The following NEBL variants were observed in gnomAD, a reference collection of about 807,000 sequenced individuals.
NEBL encodes nebulette, also known as LIM and SH3 protein 2.
In NEBL, 122 loss-of-function variants were observed where a neutral mutation model predicts 140.2. The observed-to-expected ratio is 0.87, with a 90% CI of 0.75 to 1.01. The LOEUF is 1.01. NEBL is among the 50% of genes least tolerant of loss of function. The pLI is 0.00. For missense variants in NEBL, 1,365 were observed against 1,231.3 expected (o/e 1.11, Z -1.62); for synonymous variants, 436 against 398.9 (o/e 1.09, Z -1.11).
chr10:21,070,062 C>T (rs754026128), intron 2 of NEBL: 28 of 453,998 alleles, frequency 6.2e-5, no homozygotes, highest in South Asian at 1.4e-4. Context: ...CCTCACACTT[C>T]GGGACAGGAA....
At chr10:20,896,885 C>T (rs1007579138) in intron 2 of NEBL, 73 bp downstream of exon 2, 2 of 1,233,488 alleles carry the variant, frequency 1.6e-6, no homozygotes, top group Non-Finnish European at 2.4e-6. Context: ...TCCCCCACAG[C>T]TCTATGACTC....
At chr10:21,227,148 T>C (rs546234257) in intron 3 of NEBL, among the ~76,000 whole-genome samples, 1 of 152,256 alleles carries the variant, frequency 6.6e-6, no homozygotes, top group South Asian at 2.1e-4. Context: ...TAATTGGAAA[T>C]TTTCTGATCT....
At chr10:20,808,831 T>A (rs1939191048) in intron 25 of NEBL, among the ~76,000 whole-genome samples, 172 bp from the exon 26 acceptor site, 1 of 152,212 alleles carries the variant, frequency 6.6e-6, no homozygotes, top group Non-Finnish European at 1.5e-5. Flanking sequence ...TTGCATCAAC[T>A]ACATGAATAA....
At position 20,868,784 on chromosome 10, in the gene NEBL, A is replaced by T; in HGVS notation, c.583-19T>A. 1 of 1,528,320 alleles carries T rather than the reference A, an allele frequency of 6.5e-7. No homozygotes were observed. The highest frequency in any genetic ancestry group is 9.1e-7 in the Non-Finnish European group (1 of 1,102,430). 94.7% of individuals were successfully genotyped at this position (1,528,320 alleles called of 1,614,324 possible). On this transcript the variant is annotated intron_variant, in intron 6 of 27. Transcript: ENST00000377122. ...ATTCTGCCTAAAATGAATAAATAAG[A>T]CAATGTTAAATATTTCTACCCTCCA...
intron 2 of NEBL, among the ~76,000 whole-genome samples, chr10:21,105,882 A>C (rs190726986): frequency 1.3e-5 from 2 of 152,214 alleles, no homozygotes; most frequent in African/African-American, 4.8e-5. Context: ...CACCATTCTA[A>C]CTGGCATGAG....
intron 3 of NEBL, among the ~76,000 whole-genome samples, chr10:21,015,637 G>C (rs1466084770): frequency 6.6e-6 from 1 of 152,044 alleles, no homozygotes; most frequent in Non-Finnish European, 1.5e-5. Context: ...TCAGCCTCCT[G>C]AGTAGCTGAG....
At chr10:21,055,642 G>T (rs748192092) in intron 2 of NEBL, among the ~76,000 whole-genome samples, 52 of 152,166 alleles carry the variant, frequency 3.4e-4, no homozygotes, top group Admixed American at 1.2e-3. Flanking sequence ...AATAATAACA[G>T]TGTGTACCTC....
chr10:20,884,375 C>T (rs550221541), intron 4 of NEBL, among the ~76,000 whole-genome samples: 1 of 152,238 alleles, frequency 6.6e-6, no homozygotes, highest in African/African-American at 2.4e-5. Flanking sequence ...CAGCATCTGG[C>T]CAAATGTGGC....
chr10:21,044,384 G>A (rs2077822268), intron 2 of NEBL, among the ~76,000 whole-genome samples: 1 of 87,492 alleles, frequency 1.1e-5, no homozygotes, highest in Non-Finnish European at 2.1e-5. Context: ...GTGACTGGGT[G>A]ACAGAGTAAG....
At chr10:21,190,377 A>G (rs1841551396) in intron 3 of NEBL, among the ~76,000 whole-genome samples, 1 of 152,128 alleles carries the variant, frequency 6.6e-6, no homozygotes, top group South Asian at 2.1e-4. Context: ...CCAGCTACTC[A>G]GGAGACTGAA....
At chr10:20,972,849 T>C (rs1836641213) in intron 3 of NEBL, among the ~76,000 whole-genome samples, 1 of 152,238 alleles carries the variant, frequency 6.6e-6, no homozygotes, top group Non-Finnish European at 1.5e-5. Flanking sequence ...CAAAAAGTCA[T>C]TTTAATCAAA....
At chr10:20,878,503 T>C (rs182977388) in intron 5 of NEBL, among the ~76,000 whole-genome samples, 117 of 152,288 alleles carry the variant, frequency 7.7e-4, no homozygotes, top group African/African-American at 2.7e-3. Flanking sequence ...TTATGGGAGA[T>C]TGTCTTTTAT....
chr10:21,087,483 C>T (rs1836691443), intron 2 of NEBL, among the ~76,000 whole-genome samples: 1 of 152,114 alleles, frequency 6.6e-6, no homozygotes, highest in Admixed American at 6.6e-5. Context: ...CCTCTTTTTT[C>T]AGACTTTCTC....
intron 3 of NEBL, among the ~76,000 whole-genome samples, chr10:21,222,007 C>T (rs1352755090): frequency 6.6e-6 from 1 of 151,866 alleles, no homozygotes; most frequent in African/African-American, 2.4e-5. Flanking sequence ...CTCTTTGGTG[C>T]CCCCGAGAAC....
chr10:20,879,728 A>G (rs1400142447), intron 5 of NEBL, among the ~76,000 whole-genome samples: 1 of 152,168 alleles, frequency 6.6e-6, no homozygotes, highest in East Asian at 1.9e-4. Flanking sequence ...TCTTGACCCA[A>G]AAAAGATAGG....
At chr10:20,897,097 T>G in intron 1 of NEBL, 28 bp downstream of exon 1, 2 of 1,589,156 alleles carry the variant, frequency 1.3e-6, no homozygotes. Flanking sequence ...GAACAAACGC[T>G]GGTCTGAGTA....
At chr10:20,950,700 C>A (rs1224163308) in intron 4 of NEBL, among the ~76,000 whole-genome samples, 2 of 152,198 alleles carry the variant, frequency 1.3e-5, no homozygotes, top group African/African-American at 4.8e-5. Flanking sequence ...GCCCCAGATT[C>A]TGGAGGATTT....
chr10:20,869,869 AT>A (rs1387774107), intron 5 of NEBL, 28 bp from the exon 6 acceptor site: 2 of 1,380,446 alleles, frequency 1.4e-6, no homozygotes, highest in Non-Finnish European at 2.1e-6. Context: ...TGGTTAAAAA[AT>A]AAATAAATTA....
At position 20,968,916 on chromosome 10, in the gene NEBL, A is replaced by G. The variant is rs540419509; in HGVS notation, c.250-7137T>C. On this transcript the variant is annotated intron_variant, in intron 3 of 6. Coordinates refer to the NEBL transcript ENST00000417816. ...GTGCTCAATTATGTATAGTTCTTGT[A>G]TAGTTCATCATCATCTTATATCTTT... Among the ~76,000 whole-genome samples, 42 of 152,326 alleles carry G rather than the reference A, an allele frequency of 2.8e-4. 1 individual carries two copies. Among genetic ancestry groups the G allele is most frequent in the African/African-American group, 8.7e-4 (36 of 41,586 alleles).
Sources: gnomAD v4.1 joint callset for allele counts (sites outside exome capture counted in the v4.1 genomes callset) on GRCh38, gnomAD v4.1.1 for gene constraint, MANE v1.5 for transcripts, NCBI Gene and HGNC (gene_info 2026-07-23, HGNC 2026-07-21) for gene names.